TANGO2: variants seen among roughly 807,000 people sequenced by gnomAD.
The protein encoded by TANGO2 is transport and Golgi organization protein 2 homolog.
TANGO2 carries 26 observed loss-of-function variants against 39.1 expected under a neutral mutation model. The ratio of observed to expected loss-of-function variants is 0.67; its 90% CI spans 0.49 to 0.92. The LOEUF (loss-of-function observed/expected upper bound fraction) is 0.92, where lower values mean the gene tolerates loss of function less well. Ranked by LOEUF, TANGO2 falls within the 40% of genes least tolerant of loss-of-function variation. TANGO2 has a pLI of 0.00. For synonymous variants in TANGO2, 131 were observed against 144.5 expected (o/e 0.91, Z 0.67); for missense variants, 326 against 360.1 (o/e 0.91, Z 0.77).
At chr22:20,032,189 G>T (rs1429088911) in intron 1 of TANGO2, among the ~76,000 whole-genome samples, 2 of 152,202 alleles carry the variant, frequency 1.3e-5, no homozygotes, top group Admixed American at 1.3e-4. Flanking sequence ...TGCCCCACCC[G>T]CCCTGTAACC....
chr22:20,051,313 C>G (rs1331400162), intron 3 of TANGO2, among the ~76,000 whole-genome samples: 5 of 151,766 alleles, frequency 3.3e-5, no homozygotes, highest in African/African-American at 4.8e-5. Flanking sequence ...GGACGGATCA[C>G]CTGAGGTTGG....
chr22:20,062,749 A>G (rs1391746443), intron 7 of TANGO2, among the ~76,000 whole-genome samples: 1 of 151,630 alleles, frequency 6.6e-6, no homozygotes, highest in East Asian at 2.0e-4. Flanking sequence ...GGGAGCTTGT[A>G]TGTGCCATCT....
chr22:20,053,199 C>T (rs1274134536), intron 4 of TANGO2, among the ~76,000 whole-genome samples: 1 of 152,034 alleles, frequency 6.6e-6, no homozygotes, highest in Non-Finnish European at 1.5e-5. Context: ...GCTGGATTTC[C>T]ATAGGAAGAC....
intron 6 of TANGO2, 31 bp downstream of exon 6, chr22:20,056,044 G>A: frequency 6.3e-7 from 1 of 1,584,534 alleles, no homozygotes. Flanking sequence ...TGATGGGGTG[G>A]GGGACTGTTT....
Position 20,062,164 on chromosome 22 carries a change from CG to C in TANGO2, c.605+484del, listed in dbSNP as rs377045320. 5.2e-3 allele frequency among the ~76,000 whole-genome samples: 786 copies of C among 152,308 alleles called. 9 individuals carry two copies. Among genetic ancestry groups the C allele is most frequent in the African/African-American group, 0.018 (763 of 41,574 alleles). On this transcript the variant is annotated intron_variant, in intron 7 of 8. Coordinates refer to ENST00000327374, the MANE Select transcript of TANGO2 (RefSeq NM_152906.7). ...AGTGCTGGGCAGGGACTTGCAGTTC[CG>C]GGAACTGCCTGGGTGTAGGAGCTCC...
intron 5 of TANGO2, 119 bp from the exon 6 acceptor site, chr22:20,055,824 C>A: frequency 1.1e-6 from 1 of 885,478 alleles, no homozygotes; most frequent in South Asian, 1.4e-5. Flanking sequence ...CCTGACCTGG[C>A]CGCAGCGGGC....
At chr22:20,055,783 C>G (rs2047212933) in intron 5 of TANGO2, 160 bp from the exon 6 acceptor site, 1 of 653,626 alleles carries the variant, frequency 1.5e-6, no homozygotes, top group African/African-American at 1.8e-5. Context: ...CCCCGCCTGC[C>G]AGGCACCTGA....
At chr22:20,064,005 C>T (rs1412329928) in intron 8 of TANGO2, among the ~76,000 whole-genome samples, 2 of 152,234 alleles carry the variant, frequency 1.3e-5, no homozygotes, top group African/African-American at 4.8e-5. Context: ...GATCCAGGGC[C>T]ACCCTCCGTC....
At chr22:20,056,818 C>G in intron 6 of TANGO2, 1 of 456,684 alleles carries the variant, frequency 2.2e-6, no homozygotes. Context: ...GGCTCACTCA[C>G]TCCCACACTC....
At chr22:20,024,743 C>T (rs2040406056) in intron 1 of TANGO2, among the ~76,000 whole-genome samples, 1 of 152,222 alleles carries the variant, frequency 6.6e-6, no homozygotes, top group African/African-American at 2.4e-5. Flanking sequence ...TCTGTCACCA[C>T]TGCTTTCTGC....
chr22:20,035,952 C>T (rs1048536942), intron 1 of TANGO2, among the ~76,000 whole-genome samples: 7 of 152,134 alleles, frequency 4.6e-5, no homozygotes, highest in Admixed American at 2.0e-4. Context: ...GTGTGCTTGT[C>T]GGCCTCCACT....
intron 1 of TANGO2, among the ~76,000 whole-genome samples, chr22:20,027,855 G>C (rs914235986): frequency 9.9e-5 from 15 of 152,156 alleles, no homozygotes; most frequent in Non-Finnish European, 8.8e-5. Flanking sequence ...CTGGAGTGAA[G>C]TGGCACAATC....
At chr22:20,045,073 AG>A (rs1336437038) in intron 3 of TANGO2, among the ~76,000 whole-genome samples, 1 of 152,106 alleles carries the variant, frequency 6.6e-6, no homozygotes, top group Non-Finnish European at 1.5e-5. Context: ...TGTATGCAAA[AG>A]TTTAGGACAG....
At chr22:20,040,904 G>A (rs914420648) in intron 2 of TANGO2, among the ~76,000 whole-genome samples, 1 of 152,218 alleles carries the variant, frequency 6.6e-6, no homozygotes, top group African/African-American at 2.4e-5. Flanking sequence ...GCACATCCCT[G>A]AGACCTGGTG....
chr22:20,052,664 C>T, intron 4 of TANGO2, 80 bp downstream of exon 4: 1 of 1,497,682 alleles, frequency 6.7e-7, no homozygotes, highest in South Asian at 1.3e-5. Context: ...GGCCAAGGGA[C>T]TACAGGACTG....
chr22:20,027,121 G>A (rs561998305), intron 1 of TANGO2, among the ~76,000 whole-genome samples: 1 of 152,160 alleles, frequency 6.6e-6, no homozygotes, highest in Non-Finnish European at 1.5e-5. Flanking sequence ...CACTTCACAC[G>A]GCTGGAGCAG....
rs374171601 is a variant in TANGO2, at chr22:20,037,303, G to A, written c.56+449G>A. On this transcript the variant is annotated intron_variant, in intron 2 of 8. Coordinates refer to ENST00000327374, the MANE Select transcript of TANGO2 (RefSeq NM_152906.7). ...TGAGGAAAAAGAACCTGGGGAAGAG[G>A]GGACGCTGAGGACCAGCCAGAGGAG... Among the ~76,000 whole-genome samples, 305 of 152,202 alleles carry A rather than the reference G, an allele frequency of 2.0e-3. 3 individuals carry two copies. The Middle Eastern group carries it at 0.027, about 14-fold the overall frequency.
At chr22:20,033,998 G>A (rs549975549) in intron 1 of TANGO2, among the ~76,000 whole-genome samples, 7 of 152,204 alleles carry the variant, frequency 4.6e-5, no homozygotes, top group Non-Finnish European at 7.3e-5. Context: ...CTGAGGTCAG[G>A]AGTTGGAGAC....
At chr22:20,054,754 G>C (rs917963501) in intron 5 of TANGO2, 2 of 152,750 alleles carry the variant, frequency 1.3e-5, no homozygotes, top group Non-Finnish European at 2.9e-5. Flanking sequence ...GGTAGGTGCA[G>C]ATGAGGAAGC....
Sources: allele counts gnomAD v4.1 joint callset (sites outside exome capture counted in the v4.1 genomes callset), GRCh38; gene constraint gnomAD v4.1.1; transcripts MANE v1.5; gene names NCBI Gene and HGNC (gene_info 2026-07-23, HGNC 2026-07-21).